The following CHSY3 variants were observed in gnomAD, a reference collection of about 807,000 sequenced individuals.
CHSY3 encodes the protein N-acetylgalactosaminyl-proteoglycan 3-beta-glucuronosyltransferase 3.
In CHSY3, 35 loss-of-function variants were observed where a neutral mutation model predicts 67.2. That is an observed-to-expected ratio of 0.52 (90% CI 0.40 to 0.69). The LOEUF is 0.69. CHSY3 is among the 30% of genes least tolerant of loss of function. The pLI is 0.00. For synonymous variants in CHSY3, 474 were observed against 434.7 expected (o/e 1.09, Z -1.12); for missense variants, 1,069 against 1,138.5 (o/e 0.94, Z 0.88).
chr5:130,163,308 G>T (rs1389382484), intron 2 of CHSY3, among the ~76,000 whole-genome samples: 2 of 151,948 alleles, frequency 1.3e-5, no homozygotes, highest in Admixed American at 1.3e-4. Flanking sequence ...TTTTATTCTT[G>T]GTTAATTTTC....
intron 2 of CHSY3, among the ~76,000 whole-genome samples, chr5:130,037,370 C>A (rs1395681866): frequency 6.6e-6 from 1 of 152,122 alleles, no homozygotes; most frequent in African/African-American, 2.4e-5. Flanking sequence ...GAAGACAAAT[C>A]ATGATGTGCC....
rs148193184 is a variant in CHSY3, at chr5:130,042,157, G to A, written c.1086+133797G>A. The stretch of plus-strand genomic sequence containing the variant: ...AGGCTGAGTTGGGAGGATCCCTTTA[G>A]CCCAGGAGTTCAAGGCTGCAGTGAG... On this transcript the variant is annotated intron_variant, in intron 2 of 2. Transcript: ENST00000305031. Among the ~76,000 whole-genome samples the A allele has an allele frequency of 5.1e-3, 769 of 152,196 alleles. 2 individuals carry two copies. Among genetic ancestry groups the A allele is most frequent in the African/African-American group, 0.018 (732 of 41,540 alleles).
At chr5:130,124,138 A>C (rs747591116) in intron 2 of CHSY3, among the ~76,000 whole-genome samples, 1 of 152,058 alleles carries the variant, frequency 6.6e-6, no homozygotes, top group Non-Finnish European at 1.5e-5. Flanking sequence ...AAGAAAAGTT[A>C]AATGATAAAA....
At chr5:130,051,582 G>A (rs1016028950) in intron 2 of CHSY3, among the ~76,000 whole-genome samples, 1 of 152,036 alleles carries the variant, frequency 6.6e-6, no homozygotes, top group African/African-American at 2.4e-5. Flanking sequence ...TTAATACCTG[G>A]GGGATGGGAC....
At chr5:130,035,042 G>A (rs1234902815) in intron 2 of CHSY3, among the ~76,000 whole-genome samples, 1 of 152,046 alleles carries the variant, frequency 6.6e-6, no homozygotes, top group African/African-American at 2.4e-5. Context: ...GTGATTTGAG[G>A]AACTAGGATG....
intron 2 of CHSY3, among the ~76,000 whole-genome samples, chr5:130,143,804 A>ATATATATATATG (rs1356600752): frequency 5.4e-5 from 2 of 37,378 alleles, no homozygotes; most frequent in Admixed American, 7.4e-4. Flanking sequence ...ATATATATAT[A>ATATATATATATG]TGTGTGTATA....
chr5:130,042,561 T>A (rs1471018669), intron 2 of CHSY3, among the ~76,000 whole-genome samples: 1 of 152,158 alleles, frequency 6.6e-6, no homozygotes, highest in East Asian at 1.9e-4. Flanking sequence ...AGTATTTGTT[T>A]TTTGTTAAAG....
chr5:129,955,768 C>T (rs1163829695), intron 2 of CHSY3, among the ~76,000 whole-genome samples: 1 of 152,100 alleles, frequency 6.6e-6, no homozygotes, highest in Non-Finnish European at 1.5e-5. Flanking sequence ...TTAGCTTCCA[C>T]TTATAGATAA....
chr5:129,909,116 A>G (rs1760437435), intron 2 of CHSY3, among the ~76,000 whole-genome samples: 1 of 152,118 alleles, frequency 6.6e-6, no homozygotes, highest in Admixed American at 6.6e-5. Flanking sequence ...TTTTTATGAA[A>G]TACTTAGAGA....
chr5:129,990,587 C>T (rs543782416), intron 2 of CHSY3, among the ~76,000 whole-genome samples: 149 of 152,206 alleles, frequency 9.8e-4, no homozygotes, highest in South Asian at 2.3e-3. Context: ...ACTACACTGT[C>T]TGGTTGTATT....
At chr5:130,155,458 A>G (rs974734946) in intron 2 of CHSY3, among the ~76,000 whole-genome samples, 2 of 152,122 alleles carry the variant, frequency 1.3e-5, no homozygotes, top group Non-Finnish European at 2.9e-5. Context: ...TGAAGTGTTT[A>G]TTTCATGTTT....
chr5:130,167,812 A>G (rs906904240), intron 2 of CHSY3, among the ~76,000 whole-genome samples: 4 of 152,146 alleles, frequency 2.6e-5, no homozygotes, highest in African/African-American at 7.2e-5. Context: ...CTAAATAATA[A>G]TAATAGCAAC....
intron 2 of CHSY3, among the ~76,000 whole-genome samples, chr5:129,946,178 G>T (rs1018907554): frequency 6.6e-6 from 1 of 152,054 alleles, no homozygotes. Flanking sequence ...GTTAAATAGT[G>T]CAGTTGAAGA....
rs566388763 is a variant in CHSY3, at chr5:130,068,980, C to CA, written c.1087-115245dup. 5.2e-3 allele frequency among the ~76,000 whole-genome samples: 788 copies of CA among 152,168 alleles called. 3 individuals are homozygous for CA. Among genetic ancestry groups the CA allele is most frequent in the Non-Finnish European group, 8.2e-3 (559 of 68,022 alleles). On this transcript the variant is annotated intron_variant, in intron 2 of 2. Transcript: ENST00000305031. ...TGAATGAATAAATGGGTGGAGTACT[C>CA]AAAATATATATGTATTTCATTGTGT...
intron 2 of CHSY3, among the ~76,000 whole-genome samples, chr5:130,057,070 C>T (rs1412002020): frequency 6.6e-6 from 1 of 151,080 alleles, no homozygotes; most frequent in Non-Finnish European, 1.5e-5. Context: ...ACTACAGGCG[C>T]CCACCACCAC....
chr5:130,136,120 G>A (rs1461143572), intron 2 of CHSY3, among the ~76,000 whole-genome samples: 1 of 152,142 alleles, frequency 6.6e-6, no homozygotes, highest in Non-Finnish European at 1.5e-5. Context: ...TCCAGAAGAG[G>A]TTATCTACCA....
intron 2 of CHSY3, among the ~76,000 whole-genome samples, chr5:129,979,880 T>C (rs1762932390): frequency 6.6e-6 from 1 of 152,232 alleles, no homozygotes; most frequent in East Asian, 1.9e-4. Context: ...TTTATTCACT[T>C]AATAATGTGC....
intron 2 of CHSY3, among the ~76,000 whole-genome samples, chr5:129,964,752 G>C (rs1045992816): frequency 6.6e-6 from 1 of 151,714 alleles, no homozygotes; most frequent in Non-Finnish European, 1.5e-5. Flanking sequence ...AGTAATTCTG[G>C]TGTGTTTAAA....
intron 2 of CHSY3, among the ~76,000 whole-genome samples, chr5:130,183,424 G>T (rs180972147): frequency 6.6e-6 from 1 of 152,204 alleles, no homozygotes; most frequent in East Asian, 1.9e-4. Context: ...GGTAAAAATA[G>T]TATATCAGGA....
Sources: allele counts gnomAD v4.1 joint callset (sites outside exome capture counted in the v4.1 genomes callset), GRCh38; gene constraint gnomAD v4.1.1; transcripts MANE v1.5; gene names NCBI Gene and HGNC (gene_info 2026-07-23, HGNC 2026-07-21).